NBEA: variants seen among roughly 807,000 people sequenced by gnomAD.
NBEA encodes neurobeachin.
A neutral mutation model predicts 343.4 loss-of-function variants in NBEA; 44 were observed. That is an observed-to-expected ratio of 0.13 (90% CI 0.10 to 0.16). The LOEUF is 0.16. Ranked by LOEUF, NBEA falls within the 10% of genes least tolerant of loss-of-function variation. The pLI, the probability that NBEA is intolerant of heterozygous loss-of-function variation, is 1.00. For synonymous variants in NBEA, 1,175 were observed against 1,238.7 expected, an observed-to-expected ratio of 0.95 and a Z score of 1.08; for missense variants, 2,555 against 3,631.3, an observed-to-expected ratio of 0.70 and a Z score of 7.62.
At chr13:35,027,510 A>G (rs758762404) in intron 1 of NBEA, among the ~76,000 whole-genome samples, 2 of 151,672 alleles carry the variant, frequency 1.3e-5, no homozygotes, top group African/African-American at 4.8e-5. Flanking sequence ...ATGCGTGTTC[A>G]TGTTTTCTGC....
intron 38 of NBEA, 22 bp from the exon 39 acceptor site, chr13:35,432,247 C>A: frequency 1.3e-6 from 2 of 1,569,434 alleles, no homozygotes; most frequent in African/African-American, 1.4e-5. Flanking sequence ...ATAGGGATTA[C>A]TTTTTTTCCC....
intron 38 of NBEA, among the ~76,000 whole-genome samples, chr13:35,402,256 T>C (rs1268716244): frequency 1.3e-5 from 2 of 152,044 alleles, no homozygotes; most frequent in Non-Finnish European, 2.9e-5. Flanking sequence ...AAATATTTTA[T>C]ACCTGAATAG....
chr13:35,361,986 A>T lies in NBEA; in HGVS notation c.6179+9663A>T, dbSNP rs148954987. On this transcript the variant is annotated intron_variant, in intron 38 of 58. Transcript: ENST00000379939. Reference sequence around the variant, plus strand: ...ACTGGGGTAGTGGTTTTATGACTGTATGCATTTGTCAAGATTTATACAATT... The same window carrying T: ...ACTGGGGTAGTGGTTTTATGACTGTTTGCATTTGTCAAGATTTATACAATT... 5.6e-4 allele frequency among the ~76,000 whole-genome samples: 85 copies of T among 152,068 alleles called. 1 individual carries two copies. The highest frequency in any genetic ancestry group is 1.9e-3 in the African/African-American group (79 of 41,538).
chr13:35,639,824 G>T (rs1180272939), intron 49 of NBEA, among the ~76,000 whole-genome samples: 3 of 151,972 alleles, frequency 2.0e-5, no homozygotes, highest in Non-Finnish European at 4.4e-5. Flanking sequence ...CAATTTAAAA[G>T]TTTATACAGA....
intron 38 of NBEA, among the ~76,000 whole-genome samples, chr13:35,362,603 C>G (rs1566029210): frequency 6.6e-6 from 1 of 151,918 alleles, no homozygotes; most frequent in Non-Finnish European, 1.5e-5. Flanking sequence ...TAAGATGACT[C>G]ACCCATGCCC....
At chr13:35,480,845 T>A (rs2076095954) in intron 41 of NBEA, among the ~76,000 whole-genome samples, 1 of 151,998 alleles carries the variant, frequency 6.6e-6, no homozygotes, top group African/African-American at 2.4e-5. Context: ...CCTAATTTGA[T>A]GGCATCTATA....
At chr13:35,306,446 T>G (rs1447494727) in intron 35 of NBEA, among the ~76,000 whole-genome samples, 1 of 152,082 alleles carries the variant, frequency 6.6e-6, no homozygotes, top group African/African-American at 2.4e-5. Context: ...TACCTCATTA[T>G]CTCTTTGTTC....
At chr13:35,495,400 A>C (rs1449558256) in intron 41 of NBEA, among the ~76,000 whole-genome samples, 1 of 152,036 alleles carries the variant, frequency 6.6e-6, no homozygotes, top group East Asian at 1.9e-4. Context: ...TGAAAAAAGA[A>C]ATATTAAATT....
intron 41 of NBEA, among the ~76,000 whole-genome samples, chr13:35,511,553 G>C (rs967907720): frequency 6.6e-6 from 1 of 152,074 alleles, no homozygotes; most frequent in African/African-American, 2.4e-5. Context: ...CACACATCCA[G>C]TATCTCTCAA....
At chr13:35,077,156 C>G (rs1375620295) in intron 10 of NBEA, among the ~76,000 whole-genome samples, 4 of 152,008 alleles carry the variant, frequency 2.6e-5, no homozygotes, top group African/African-American at 9.7e-5. Context: ...TTCTAGCTAA[C>G]TTAGTATTAT....
At chr13:35,313,334 T>C (rs1347808827) in intron 36 of NBEA, among the ~76,000 whole-genome samples, 1 of 152,164 alleles carries the variant, frequency 6.6e-6, no homozygotes. Context: ...TTCCTTAAGA[T>C]CTTGTGTCTT....
chr13:35,156,326 G>A, intron 20 of NBEA, 120 bp downstream of exon 20: 1 of 977,664 alleles, frequency 1.0e-6, no homozygotes, highest in Non-Finnish European at 1.4e-6. Context: ...CATCAGAAAA[G>A]GCATTTTATG....
chr13:35,426,141 A>G (rs1233509411), intron 38 of NBEA, among the ~76,000 whole-genome samples: 7 of 152,138 alleles, frequency 4.6e-5, no homozygotes, highest in African/African-American at 9.7e-5. Flanking sequence ...CATTTAGCCC[A>G]TTTACATTCA....
chr13:35,419,279 C>G (rs7991710), intron 38 of NBEA, among the ~76,000 whole-genome samples: 149,744 of 152,106 alleles, frequency 0.98, 73,749 homozygotes, highest in East Asian at 1. Context: ...TTTGGTGTTT[C>G]GTGAGGGCCC....
At position 35,070,057 on chromosome 13, in the gene NBEA, A is replaced by G. The variant is rs773602228; in HGVS notation, c.1389A>G (p.Lys463=). The change falls in exon 9 of 59, where the codon AAA becomes AAG. Residue 463 remains lysine (K), a synonymous_variant. Coordinates refer to ENST00000379939, the MANE Select transcript of NBEA (RefSeq NM_001385012.1). The stretch of plus-strand genomic sequence containing the variant: ...AGCTCTGCCTGGAATCATCACCAAA[A>G]GAGAATGCATCAATTTTTGTGCATT... ...DAQLCLESSP[K]ENASIFVHSP... is the part of the protein sequence containing the mutation. The G allele has an allele frequency of 1.2e-6, 2 of 1,602,838 alleles. No individual in the cohort carries two copies. The highest frequency in any genetic ancestry group is 3.4e-5 in the Admixed American group (2 of 58,958).
chr13:35,304,278 A>G (rs1445526412), intron 35 of NBEA, among the ~76,000 whole-genome samples: 2 of 152,146 alleles, frequency 1.3e-5, no homozygotes, highest in Non-Finnish European at 2.9e-5. Context: ...CAACAGTATT[A>G]TATTGTCATT....
chr13:35,153,924 A>G (rs2068970145), intron 18 of NBEA, among the ~76,000 whole-genome samples: 2 of 152,200 alleles, frequency 1.3e-5, no homozygotes, highest in African/African-American at 2.4e-5. Context: ...ACTTATACGT[A>G]TATACCAAGC....
At chr13:35,655,515 T>A (rs2084774880) in intron 54 of NBEA, 64 bp from the exon 55 acceptor site, 1 of 1,458,286 alleles carries the variant, frequency 6.9e-7, no homozygotes, top group African/African-American at 1.4e-5. Flanking sequence ...TCTGATAAAG[T>A]TACACTTATT....
chr13:35,381,187 G>A (rs1416740401), intron 38 of NBEA, among the ~76,000 whole-genome samples: 6 of 152,152 alleles, frequency 3.9e-5, no homozygotes, highest in Non-Finnish European at 8.8e-5. Flanking sequence ...AATGTTTTTG[G>A]TACCTAAGTA....
Sources: allele counts gnomAD v4.1 joint callset (sites outside exome capture counted in the v4.1 genomes callset), GRCh38; gene constraint gnomAD v4.1.1; transcripts MANE v1.5; gene names NCBI Gene and HGNC (gene_info 2026-07-23, HGNC 2026-07-21).